The following CHD1 variants were observed in gnomAD, a reference collection of about 807,000 sequenced individuals.
CHD1 encodes the protein ATP-dependent chromatin remodeler CHD1.
CHD1 carries 36 observed loss-of-function variants against 224.2 expected under a neutral mutation model. The ratio of observed to expected loss-of-function variants is 0.16; its 90% CI spans 0.12 to 0.21. CHD1 has a LOEUF of 0.21. Ranked by LOEUF, CHD1 falls within the 10% of genes least tolerant of loss-of-function variation. CHD1 has a pLI of 1.00. For missense variants in CHD1, 1,378 were observed against 1,994.8 expected, an observed-to-expected ratio of 0.69 and a Z score of 5.89; for synonymous variants, 668 against 658.3, an observed-to-expected ratio of 1.01 and a Z score of -0.23.
intron 20 of CHD1, among the ~76,000 whole-genome samples, chr5:98,881,742 T>C (rs1295874523): frequency 1.3e-5 from 2 of 152,156 alleles, no homozygotes; most frequent in Non-Finnish European, 2.9e-5. Context: ...TATTTTAAAA[T>C]AAGGAACTTG....
rs370422771 is a variant in CHD1 at position 98,865,271 on chromosome 5, A to C, written c.4249-1685T>G. Among the ~76,000 whole-genome samples, 8 of 152,330 alleles carry C rather than the reference A, an allele frequency of 5.3e-5. No homozygotes were observed. The South Asian group carries it at 1.7e-3, about 32-fold the overall frequency. ...TCGCTGGAACCAAGTAAGTCAGAGA[A>C]GTGGCCGGCAACGATGGGAGGTGAC... On this transcript the variant is annotated intron_variant, in intron 31 of 35. Coordinates refer to ENST00000614616, the MANE Select transcript of CHD1 (RefSeq NM_001270.4).
rs1747889690 is a variant in CHD1, at chr5:98,854,622, C to G, written c.*1758G>C. 6.6e-6 allele frequency: 1 copy of G among 152,026 alleles called. No individual in the cohort carries two copies. Among genetic ancestry groups the G allele is most frequent in the East Asian group, 1.9e-4 (1 of 5,202 alleles). The allele number at this position is 152,026 out of a possible 1,614,324, so 9.4% of individuals were successfully genotyped here. ...AAAGAAACAAAGCATTATTATTCTT[C>G]AGGGTAACTGTATCAGAAAGAGAAA... is the stretch of plus-strand genomic sequence containing the variant. On this transcript the variant is annotated 3_prime_UTR_variant, in exon 36 of 36. Transcript: ENST00000614616.
At position 98,855,058 on chromosome 5, in the gene CHD1, CTACACATTACAAATATTCAACTGCT is replaced by C. The variant is rs1416598368; in HGVS notation, c.*1297_*1321del. On this transcript the variant is annotated 3_prime_UTR_variant, in exon 36 of 36. Transcript: ENST00000614616. ...CTCCAAAACAGATTTAGTTGTAATG[CTACACATTACAAATATTCAACTGCT>C]TACCAAAATACTTTTTCTGGCAGCA... The C allele has an allele frequency of 1.3e-5, 2 of 152,068 alleles. No homozygotes were observed. The highest frequency in any genetic ancestry group is 4.8e-5 in the African/African-American group (2 of 41,376). 9.4% of individuals were successfully genotyped at this position (152,068 alleles called of 1,614,324 possible).
intron 14 of CHD1, 73 bp downstream of exon 14, chr5:98,893,343 C>T (rs1254396452): frequency 7.0e-6 from 7 of 1,000,068 alleles, no homozygotes; most frequent in Non-Finnish European, 1.4e-6. Context: ...CTCTTACTGA[C>T]CTTATTACCT....
chr5:98,863,632 TA>T (rs761746662), intron 31 of CHD1, 46 bp from the exon 32 acceptor site: 1 of 1,368,698 alleles, frequency 7.3e-7, no homozygotes, highest in South Asian at 1.3e-5. Context: ...ATTAAAAACC[TA>T]AATTCAACAA....
At chr5:98,907,187 A>T (rs1752097608) in intron 2 of CHD1, among the ~76,000 whole-genome samples, 1 of 152,234 alleles carries the variant, frequency 6.6e-6, no homozygotes, top group South Asian at 2.1e-4. Context: ...GCCCGAGGCT[A>T]TGCTACTCTA....
chr5:98,896,917 C>A (rs748761013), intron 11 of CHD1, among the ~76,000 whole-genome samples: 1 of 151,656 alleles, frequency 6.6e-6, no homozygotes, highest in Non-Finnish European at 1.5e-5. Context: ...GAGAAATATT[C>A]CAGGAATAGC....
chr5:98,891,161 C>T (rs1005583608), intron 15 of CHD1, among the ~76,000 whole-genome samples: 1 of 152,094 alleles, frequency 6.6e-6, no homozygotes, highest in Non-Finnish European at 1.5e-5. Flanking sequence ...GCAACCTCTG[C>T]CTCATGGGCT....
At chr5:98,901,156 T>C in intron 6 of CHD1, 30 bp downstream of exon 6, 9 of 1,588,562 alleles carry the variant, frequency 5.7e-6, no homozygotes, top group Non-Finnish European at 7.7e-6. Context: ...CTTTCCACAA[T>C]CAATTTTCAG....
chr5:98,860,836 A>G (rs1253984729), intron 32 of CHD1, among the ~76,000 whole-genome samples: 2 of 152,328 alleles, frequency 1.3e-5, no homozygotes, highest in East Asian at 3.9e-4. Context: ...GAATATATTG[A>G]ATGATACCTT....
rs543927285 is a variant in CHD1 at position 98,878,979 on chromosome 5, C to T, written c.3237+573G>A. On this transcript the variant is annotated intron_variant, in intron 23 of 35. Transcript: ENST00000614616. Reference sequence around the variant, plus strand: ...CAGGTGCAGTGGCTCGTGCTATAGTCCCAACATTTTGGTAGGCCAAGGCAG... The same window carrying T: ...CAGGTGCAGTGGCTCGTGCTATAGTTCCAACATTTTGGTAGGCCAAGGCAG... Among the ~76,000 whole-genome samples the T allele has an allele frequency of 5.9e-5, 9 of 152,264 alleles. No individual in the cohort carries two copies. In the South Asian group the frequency reaches 1.9e-3, roughly 32 times the overall value.
chr5:98,868,918 T>C, intron 30 of CHD1: 3 of 573,656 alleles, frequency 5.2e-6, no homozygotes, highest in Non-Finnish European at 6.9e-6. Context: ...AACTCAGTTA[T>C]TGAGACTAAT....
chr5:98,884,078 GT>G (rs201222124), intron 18 of CHD1, among the ~76,000 whole-genome samples: 56 of 130,936 alleles, frequency 4.3e-4, no homozygotes, highest in East Asian at 3.3e-3. Context: ...TTTGTTTTTT[GT>G]TTTTTTTTTT....
chr5:98,869,801 C>T lies in CHD1; in HGVS notation c.4060G>A (p.Asp1354Asn), dbSNP rs1296518940. The change falls in exon 30 of 36, where the codon GAT becomes AAT. Residue 1354 changes from aspartate to asparagine, a missense_variant. Coordinates refer to ENST00000614616, the MANE Select transcript of CHD1 (RefSeq NM_001270.4). ...SIKVKEEIKSDSSPLPSEKSD... is the reference protein window; with the variant it reads ...SIKVKEEIKSNSSPLPSEKSD... ...TTCTCTGAAGGCAGAGGAGAAGAATCACTCTTTATTTCCTCTTTCACTTTT... is the reference window on the plus strand; with the variant it reads ...TTCTCTGAAGGCAGAGGAGAAGAATTACTCTTTATTTCCTCTTTCACTTTT... 6.2e-7 allele frequency: 1 copy of T among 1,612,588 alleles called. No individual in the cohort carries two copies. The highest frequency in any genetic ancestry group is 1.7e-5 in the Admixed American group (1 of 59,994).
intron 2 of CHD1, among the ~76,000 whole-genome samples, chr5:98,918,597 G>A (rs1266404402): frequency 6.6e-6 from 1 of 150,524 alleles, no homozygotes. Context: ...GTGAAACCCC[G>A]TCTGTACGAA....
intron 14 of CHD1, 132 bp downstream of exon 14, chr5:98,893,284 T>C (rs1158923762): frequency 3.6e-6 from 2 of 553,474 alleles, no homozygotes; most frequent in Non-Finnish European, 6.0e-6. Context: ...ATTTTCCTTT[T>C]TAAAAAATTC....
chr5:98,896,519 TG>T, intron 11 of CHD1, 77 bp from the exon 12 acceptor site: 1 of 954,238 alleles, frequency 1.0e-6, no homozygotes, highest in Non-Finnish European at 1.6e-6. Context: ...CATGTGTATA[TG>T]TTTTTATGAA....
In CHD1 at chr5:98,893,638, G is replaced by A. The variant is rs763625317; in HGVS notation, c.1801-32C>T. 13 of 1,381,636 alleles carry A rather than the reference G, an allele frequency of 9.4e-6. No individual in the cohort carries two copies. In the African/African-American group the frequency reaches 1.3e-4, roughly 14 times the overall value. The allele number at this position is 1,381,636 out of a possible 1,614,324, so 85.6% of individuals were successfully genotyped here. A position where few individuals can be genotyped will look rare whatever the true frequency, so the allele number is the denominator to read the frequency against. ...ATAATAGAAAAACAGTATTTTGAGA[G>A]AAAAACGGAATTCAAATTTAGCCTT... On this transcript the variant is annotated intron_variant, in intron 13 of 35. Transcript: ENST00000614616.
At chr5:98,877,969 G>C (rs1280489035) in intron 23 of CHD1, among the ~76,000 whole-genome samples, 1 of 152,124 alleles carries the variant, frequency 6.6e-6, no homozygotes, top group Non-Finnish European at 1.5e-5. Context: ...CTAAATGTAA[G>C]GATATACAGG....
Sources: allele counts gnomAD v4.1 joint callset (sites outside exome capture counted in the v4.1 genomes callset), GRCh38; gene constraint gnomAD v4.1.1; transcripts MANE v1.5; gene names NCBI Gene and HGNC (gene_info 2026-07-23, HGNC 2026-07-21).